The following POLA2 variants were observed in gnomAD, a reference collection of about 807,000 sequenced individuals.
POLA2 encodes the protein DNA polymerase alpha subunit B.
In POLA2, 47 loss-of-function variants were observed where a neutral mutation model predicts 82.8. That is an observed-to-expected ratio of 0.57 (90% confidence interval 0.45 to 0.72). The LOEUF is 0.72. Among genes scored for constraint, POLA2 ranks in the 30% least tolerant of loss-of-function variants. POLA2 has a pLI of 0.00. For missense variants in POLA2, 634 were observed against 728.1 expected, an observed-to-expected ratio of 0.87 and a Z score of 1.49; for synonymous variants, 287 against 286.8, an observed-to-expected ratio of 1.00 and a Z score of -0.01.
intron 3 of POLA2, 109 bp from the exon 4 acceptor site, chr11:65,268,563 C>CT (rs1949487912): frequency 1.5e-6 from 1 of 674,142 alleles, no homozygotes; most frequent in East Asian, 2.9e-5. Context: ...AGGATGGTCT[C>CT]TGTCTCCTGA....
intron 7 of POLA2, 25 bp from the exon 8 acceptor site, chr11:65,280,967 T>C (rs774260133): frequency 6.2e-7 from 1 of 1,611,490 alleles, no homozygotes; most frequent in Admixed American, 1.7e-5. Context: ...ACTGTCATTC[T>C]TATGCTGTGA....
intron 4 of POLA2, among the ~76,000 whole-genome samples, chr11:65,273,323 A>C (rs750242800): frequency 3.3e-5 from 5 of 152,192 alleles, no homozygotes; most frequent in Admixed American, 3.3e-4. Flanking sequence ...CAAAAAACAA[A>C]AACAACAACA....
chr11:65,294,373 C>G, intron 14 of POLA2, 112 bp downstream of exon 14: 1 of 1,009,966 alleles, frequency 9.9e-7, no homozygotes, highest in South Asian at 1.3e-5. Flanking sequence ...GTGCGTACAG[C>G]CTGAATCTTA....
chr11:65,268,641 C>T, intron 3 of POLA2, 31 bp from the exon 4 acceptor site: 1 of 1,473,584 alleles, frequency 6.8e-7, no homozygotes, highest in Non-Finnish European at 9.4e-7. Context: ...CGTGCCCAGC[C>T]ATTATTGTTT....
intron 10 of POLA2, 75 bp downstream of exon 10, chr11:65,282,596 G>A: frequency 8.1e-7 from 1 of 1,241,120 alleles, no homozygotes; most frequent in Non-Finnish European, 1.2e-6. Flanking sequence ...AGTTTCCCAA[G>A]CCCAAGAAAG....
chr11:65,299,938 C>T (rs927624261), downstream of POLA2, among the ~76,000 whole-genome samples: 2 of 152,122 alleles, frequency 1.3e-5, no homozygotes, highest in East Asian at 1.9e-4. Context: ...GTGATCCACC[C>T]GCCTCAGCAT....
intron 1 of POLA2, among the ~76,000 whole-genome samples, chr11:65,265,334 G>A (rs2137487431): frequency 6.6e-6 from 1 of 152,114 alleles, no homozygotes; most frequent in African/African-American, 2.4e-5. Flanking sequence ...CTCTACTCAA[G>A]GTCACCAGTG....
chr11:65,285,019 G>T (rs1949680831), intron 10 of POLA2, among the ~76,000 whole-genome samples: 1 of 152,092 alleles, frequency 6.6e-6, no homozygotes, highest in African/African-American at 2.4e-5. Flanking sequence ...GTTTGGCCGG[G>T]CGTGGTGGCT....
chr11:65,296,139 G>A, intron 17 of POLA2, 149 bp downstream of exon 17: 1 of 799,110 alleles, frequency 1.3e-6, no homozygotes, highest in South Asian at 1.6e-5. Context: ...CTTTGGGGAG[G>A]TGGTGGGACC....
exon 9 of POLA2, chr11:65,305,539 T>A: frequency 2.6e-6 from 1 of 387,436 alleles, no homozygotes; most frequent in Non-Finnish European, 5.1e-6. Flanking sequence ...CTGGGCACGG[T>A]GGTGCGTGCC....
intron 3 of POLA2, 142 bp downstream of exon 3, chr11:65,267,710 C>T (rs373126517): frequency 3.6e-4 from 182 of 506,754 alleles, no homozygotes; most frequent in Middle Eastern, 1.3e-3. Context: ...TTTTGGAGGC[C>T]GAGGCAAGCA....
chr11:65,265,846 C>G (rs1168733042), intron 1 of POLA2, among the ~76,000 whole-genome samples: 1 of 152,214 alleles, frequency 6.6e-6, no homozygotes, highest in Non-Finnish European at 1.5e-5. Context: ...TCCTCAGAGG[C>G]CCTAAGGCGC....
intron 4 of POLA2, among the ~76,000 whole-genome samples, chr11:65,269,528 C>G (rs1358101911): frequency 6.6e-6 from 1 of 151,654 alleles, no homozygotes; most frequent in Non-Finnish European, 1.5e-5. Context: ...ATGTACTGCA[C>G]TAGACATTGA....
intron 3 of POLA2, 67 bp downstream of exon 3, chr11:65,267,635 G>A (rs1476228057): frequency 1.2e-5 from 13 of 1,064,950 alleles, no homozygotes; most frequent in African/African-American, 4.9e-5. Flanking sequence ...GTCTGTAGTC[G>A]CATGTGTAAT....
chr11:65,273,991 A>C (rs1374731102), intron 4 of POLA2, among the ~76,000 whole-genome samples: 1 of 152,226 alleles, frequency 6.6e-6, no homozygotes, highest in Non-Finnish European at 1.5e-5. Flanking sequence ...GTAATCACTG[A>C]AAATTACAAG....
intron 5 of POLA2, among the ~76,000 whole-genome samples, chr11:65,277,661 A>G (rs1383697410): frequency 6.6e-6 from 1 of 152,208 alleles, no homozygotes; most frequent in Non-Finnish European, 1.5e-5. Flanking sequence ...TGTCAATACA[A>G]TGCTCTGAAA....
rs768460974 is a variant in POLA2, at chr11:65,294,671, GC to G, written c.1460+23del. On this transcript the variant is annotated intron_variant, in intron 15 of 17. Coordinates refer to ENST00000265465, the MANE Select transcript of POLA2 (RefSeq NM_002689.4). ...TCAGTAGGTAAGAAGTGTGTTCCAG[GC>G]CCCAAGCAGGATGACTGGCTTTCTG... 3.5e-5 allele frequency: 53 copies of G among 1,533,138 alleles called. No homozygotes were observed. The highest frequency in any genetic ancestry group is 4.5e-5 in the Non-Finnish European group (50 of 1,111,310). 95.0% of individuals were successfully genotyped at this position (1,533,138 alleles called of 1,614,324 possible). A position where few individuals can be genotyped will look rare whatever the true frequency, so the allele number is the denominator to read the frequency against.
rs754412323 is a variant in POLA2, at chr11:65,281,750, C to CA, written c.963+19dup. ...TCTACGAGGTACACAGCAGTACCCC[C>CA]ACTTGCCTCTTGGTTTGCTTCAGAC... On this transcript the variant is annotated intron_variant, in intron 9 of 17. Transcript: ENST00000265465. 3 of 1,604,244 alleles carry CA rather than the reference C, an allele frequency of 1.9e-6. No individual in the cohort carries two copies. The highest frequency in any genetic ancestry group is 2.2e-5 in the South Asian group (2 of 90,872).
intron 4 of POLA2, among the ~76,000 whole-genome samples, chr11:65,274,597 T>C (rs916654532): frequency 2.6e-5 from 4 of 151,546 alleles, no homozygotes; most frequent in African/African-American, 9.7e-5. Context: ...GCAGCATCGC[T>C]TGAACCCAGG....
Sources: gnomAD v4.1 joint callset for allele counts (sites outside exome capture counted in the v4.1 genomes callset) on GRCh38, gnomAD v4.1.1 for gene constraint, MANE v1.5 for transcripts, NCBI Gene and HGNC (gene_info 2026-07-23, HGNC 2026-07-21) for gene names.